The following RARB variants were observed in gnomAD, a reference collection of about 807,000 sequenced individuals.
RARB encodes retinoic acid receptor beta.
RARB carries 17 observed loss-of-function variants against 51.9 expected under a neutral mutation model. The ratio of observed to expected loss-of-function variants is 0.33; its 90% CI spans 0.22 to 0.49. The LOEUF is 0.49. Ranked by LOEUF, RARB falls within the 20% of genes least tolerant of loss-of-function variation. The probability of loss-of-function intolerance (pLI) is 0.99; values close to 1 mark genes in which losing one functional copy is unlikely to be tolerated. For synonymous variants in RARB, 215 were observed against 195.4 expected, an observed-to-expected ratio of 1.10 and a Z score of -0.84; for missense variants, 369 against 550.8, an observed-to-expected ratio of 0.67 and a Z score of 3.30.
In RARB at chr3:24,942,175, G is replaced by A. The variant is rs184256562; in HGVS notation, c.-380+83423G>A. Among the ~76,000 whole-genome samples the A allele has an allele frequency of 8.7e-4, 133 of 152,282 alleles. 1 individual carries two copies. Among genetic ancestry groups the A allele is most frequent in the Admixed American group, 5.9e-3 (91 of 15,300 alleles). On this transcript the variant is annotated intron_variant, in intron 2 of 11. Transcript: ENST00000383772. ...AACTGGGACTGAAACCAGGTTTCAT[G>A]GTTCCTGGTTCAACTAAAGATTCAC... is the stretch of plus-strand genomic sequence containing the variant.
rs141216902 is a variant in RARB, at chr3:25,181,298, G to A, written c.178+6723G>A. ...CCCAGGTACCCACTGTGCATCGTAA[G>A]TACTCTGATTTACTATGCATGTCTT... On this transcript the variant is annotated intron_variant, in intron 5 of 11. Transcript: ENST00000383772. 3.3e-5 allele frequency among the ~76,000 whole-genome samples: 5 copies of A among 152,254 alleles called. No homozygotes were observed. In the East Asian group the frequency reaches 7.7e-4, roughly 23 times the overall value.
At chr3:25,061,076 T>C (rs377080283) in intron 3 of RARB, among the ~76,000 whole-genome samples, 1 of 151,872 alleles carries the variant, frequency 6.6e-6, no homozygotes, top group East Asian at 1.9e-4. Context: ...ATTACCAGAA[T>C]GGTCCTGAGT....
At chr3:25,192,918 G>A (rs568835238) in intron 5 of RARB, among the ~76,000 whole-genome samples, 1 of 152,110 alleles carries the variant, frequency 6.6e-6, no homozygotes, top group Admixed American at 6.6e-5. Context: ...CTCTTAGAAT[G>A]TACATCTGTA....
At chr3:24,862,629 A>G (rs1702773526) in intron 2 of RARB, among the ~76,000 whole-genome samples, 1 of 152,136 alleles carries the variant, frequency 6.6e-6, no homozygotes, top group Non-Finnish European at 1.5e-5. Flanking sequence ...TCACTTAGTC[A>G]TTTCAATTAT....
At chr3:25,330,908 A>C (rs1029141503) in intron 5 of RARB, among the ~76,000 whole-genome samples, 1 of 152,232 alleles carries the variant, frequency 6.6e-6, no homozygotes, top group South Asian at 2.1e-4. Context: ...TAAACCAACA[A>C]AGATCAAAAG....
chr3:24,850,150 T>A (rs1252366089), intron 1 of RARB, among the ~76,000 whole-genome samples: 1 of 152,220 alleles, frequency 6.6e-6, no homozygotes, highest in Non-Finnish European at 1.5e-5. Context: ...AATCCATTCA[T>A]GTGGGTAGAA....
intron 2 of RARB, among the ~76,000 whole-genome samples, chr3:25,047,607 C>T (rs539725041): frequency 6.6e-6 from 1 of 152,294 alleles, no homozygotes; most frequent in African/African-American, 2.4e-5. Flanking sequence ...TTGGAGTAAT[C>T]ACCACTATCT....
chr3:25,039,157 A>AT (rs1468595975), intron 2 of RARB, among the ~76,000 whole-genome samples: 5 of 152,208 alleles, frequency 3.3e-5, no homozygotes, highest in African/African-American at 1.2e-4. Flanking sequence ...TGCTAATGTG[A>AT]TCACATATCC....
chr3:25,210,553 T>TTTTTTTTTTTTTTTA (rs869216441), intron 5 of RARB, among the ~76,000 whole-genome samples: 1 of 82,498 alleles, frequency 1.2e-5, no homozygotes. Flanking sequence ...TTTTTTTTTT[T>TTTTTTTTTTTTTTTA]GAGATTGAGT....
intron 1 of RARB, among the ~76,000 whole-genome samples, chr3:25,433,230 T>C (rs926709492): frequency 3.3e-5 from 5 of 152,190 alleles, no homozygotes; most frequent in African/African-American, 1.2e-4. Flanking sequence ...CTTTCAAATA[T>C]CCTGCACAGT....
rs142618933 is a variant in RARB at position 25,324,006 on chromosome 3, T to C, written c.179-137187T>C. Among the ~76,000 whole-genome samples, 97 of 152,098 alleles carry C rather than the reference T, an allele frequency of 6.4e-4. 1 individual carries two copies. In the East Asian group the frequency reaches 0.017, roughly 27 times the overall value. On this transcript the variant is annotated intron_variant, in intron 5 of 11. Coordinates refer to the RARB transcript ENST00000383772. Reference sequence around the variant, plus strand: ...AAAAGTAAACAAACAAAGGTGACACTCAAGGAAGCAGAGATAATAAAGGAA... The same window carrying C: ...AAAAGTAAACAAACAAAGGTGACACCCAAGGAAGCAGAGATAATAAAGGAA...
Position 24,981,601 on chromosome 3 carries a change from A to AG in RARB, c.-379-78521dup, listed in dbSNP as rs564480337. 2.1e-3 allele frequency among the ~76,000 whole-genome samples: 315 copies of AG among 151,720 alleles called. 3 individuals are homozygous for AG. The highest frequency in any genetic ancestry group is 6.4e-3 in the African/African-American group (265 of 41,136). ...TGGGACCCACCGAGCCAGGCACAGG[A>AG]GGGAATCTCGTGGTCTGCTGGTTGT... On this transcript the variant is annotated intron_variant, in intron 2 of 11. Transcript: ENST00000383772.
At position 24,990,133 on chromosome 3, in the gene RARB, T is replaced by A. The variant is rs1371603863; in HGVS notation, c.-379-69992T>A. Among the ~76,000 whole-genome samples, 3 of 106,256 alleles carry A rather than the reference T, an allele frequency of 2.8e-5. 1 individual carries two copies. The highest frequency in any genetic ancestry group is 5.7e-5 in the Non-Finnish European group (3 of 53,006). The allele number at this position is 106,256 out of a possible 152,430, so 69.7% of individuals were successfully genotyped here. Reference sequence around the variant, plus strand: ...AATATAATGGAACTTTTCTTTTTTTTTTTTGTTATTTCACTATTGTTTATT... The same window carrying A: ...AATATAATGGAACTTTTCTTTTTTTATTTTGTTATTTCACTATTGTTTATT... On this transcript the variant is annotated intron_variant, in intron 2 of 11. Coordinates refer to the RARB transcript ENST00000383772.
intron 5 of RARB, among the ~76,000 whole-genome samples, chr3:25,194,056 T>C (rs1701168868): frequency 6.6e-6 from 1 of 151,866 alleles, no homozygotes; most frequent in African/African-American, 2.4e-5. Context: ...TATGTATATA[T>C]ATATGAATAT....
Position 25,204,308 on chromosome 3 carries a change from T to C in RARB, c.178+29733T>C, listed in dbSNP as rs138469598. On this transcript the variant is annotated intron_variant, in intron 5 of 11. Transcript: ENST00000383772. ...TTTAAGGACTTCTCTGCATTGATTG[T>C]TCTAGTTAGCCATTCGTCTAATCTT... Among the ~76,000 whole-genome samples the C allele has an allele frequency of 9.4e-3, 1,425 of 152,308 alleles. 20 individuals are homozygous for C. The highest frequency in any genetic ancestry group is 0.033 in the African/African-American group (1,375 of 41,566).
intron 3 of RARB, among the ~76,000 whole-genome samples, chr3:25,068,813 G>T (rs1698714636): frequency 6.6e-6 from 1 of 152,066 alleles, no homozygotes; most frequent in African/African-American, 2.4e-5. Flanking sequence ...AATGCTCAGG[G>T]GAAGAGCGGC....
At chr3:25,298,591 C>T (rs1017449965) in intron 5 of RARB, among the ~76,000 whole-genome samples, 1 of 152,088 alleles carries the variant, frequency 6.6e-6, no homozygotes, top group Non-Finnish European at 1.5e-5. Context: ...AAGCTGGCCT[C>T]TAATTTTTAG....
At chr3:25,019,464 C>T (rs1364271484) in intron 2 of RARB, among the ~76,000 whole-genome samples, 1 of 151,974 alleles carries the variant, frequency 6.6e-6, no homozygotes, top group Non-Finnish European at 1.5e-5. Flanking sequence ...TATGAGAGTG[C>T]CAGTGATGCC....
intron 2 of RARB, among the ~76,000 whole-genome samples, chr3:24,918,178 A>G (rs574973468): frequency 6.6e-6 from 1 of 152,320 alleles, no homozygotes; most frequent in African/African-American, 2.4e-5. Flanking sequence ...ATGACTAAAC[A>G]AAAACGGTAC....
Sources: allele counts gnomAD v4.1 joint callset (sites outside exome capture counted in the v4.1 genomes callset), GRCh38; gene constraint gnomAD v4.1.1; transcripts MANE v1.5; gene names NCBI Gene and HGNC (gene_info 2026-07-23, HGNC 2026-07-21).